Variants in COL10A1 observed in about 807,000 individuals in gnomAD.
COL10A1 encodes the protein collagen type X alpha 1 chain.
Under a neutral mutation model 18.2 loss-of-function variants are expected in COL10A1, and 10 were observed. The ratio of observed to expected loss-of-function variants is 0.55; its 90% CI spans 0.34 to 0.93. COL10A1 has a LOEUF of 0.93. Among genes scored for constraint, COL10A1 ranks in the 40% least tolerant of loss-of-function variants. The probability of loss-of-function intolerance (pLI) is 0.02; values close to 1 mark genes in which losing one functional copy is unlikely to be tolerated. For synonymous variants in COL10A1, 330 were observed against 316.6 expected, an observed-to-expected ratio of 1.04 and a Z score of -0.45; for missense variants, 897 against 853.5, an observed-to-expected ratio of 1.05 and a Z score of -0.64.
chr6:116,196,340 A>G, the COL10A1 span, among the ~76,000 whole-genome samples: 1 of 152,048 alleles, frequency 6.6e-6, no homozygotes, highest in Non-Finnish European at 1.5e-5. Context: ...GCATTGCTCT[A>G]ACTACAGCAA....
chr6:116,164,551 A>G, the COL10A1 span, among the ~76,000 whole-genome samples: 77 of 152,264 alleles, frequency 5.1e-4, no homozygotes, highest in African/African-American at 1.6e-3. Context: ...TTGCTAATCT[A>G]TCTCTTTCAA....
chr6:116,147,428 C>G (rs538254655), intron 1 of COL10A1, among the ~76,000 whole-genome samples: 1 of 149,146 alleles, frequency 6.7e-6, no homozygotes, highest in Non-Finnish European at 1.5e-5. Context: ...GGCAACAGAG[C>G]GAGACTACAT....
the COL10A1 span, among the ~76,000 whole-genome samples, chr6:116,206,046 A>G: frequency 6.6e-6 from 1 of 151,988 alleles, no homozygotes; most frequent in Non-Finnish European, 1.5e-5. Context: ...CCTGGAAGTA[A>G]CAAAAAGTAG....
upstream of COL10A1, among the ~76,000 whole-genome samples, chr6:116,160,567 A>G (rs930643646): frequency 5.9e-5 from 9 of 151,924 alleles, no homozygotes; most frequent in African/African-American, 1.5e-4. Context: ...CTCATTCTGT[A>G]TATTGTCTAT....
At chr6:116,157,124 A>G (rs1780215383) in intron 1 of COL10A1, among the ~76,000 whole-genome samples, 1 of 152,228 alleles carries the variant, frequency 6.6e-6, no homozygotes, top group African/African-American at 2.4e-5. Context: ...GTATGAGAAT[A>G]TGGAAAACAA....
the COL10A1 span, among the ~76,000 whole-genome samples, chr6:116,195,823 G>A: frequency 1.3e-5 from 2 of 151,978 alleles, no homozygotes; most frequent in Admixed American, 1.3e-4. Context: ...TGTGGGTGGG[G>A]ACTGAAGACC....
intron 1 of COL10A1, among the ~76,000 whole-genome samples, chr6:116,142,079 A>G (rs1302378198): frequency 6.6e-6 from 1 of 152,072 alleles, no homozygotes; most frequent in Non-Finnish European, 1.5e-5. Flanking sequence ...AACAAATGGA[A>G]TTGATATTAG....
At chr6:116,208,558 G>A in the COL10A1 span, among the ~76,000 whole-genome samples, 16 of 152,050 alleles carry the variant, frequency 1.1e-4, no homozygotes, top group African/African-American at 3.4e-4. Flanking sequence ...GCCTTTATTC[G>A]TTCATCTCAA....
At chr6:116,200,028 G>T in the COL10A1 span, among the ~76,000 whole-genome samples, 1 of 151,574 alleles carries the variant, frequency 6.6e-6, no homozygotes, top group Non-Finnish European at 1.5e-5. Context: ...TTGCAGTGGG[G>T]CAACCTGACA....
chr6:116,211,289 A>G, the COL10A1 span, among the ~76,000 whole-genome samples: 2 of 152,120 alleles, frequency 1.3e-5, no homozygotes, highest in African/African-American at 4.8e-5. Flanking sequence ...CAAGTGAGAA[A>G]TGCCTGGCTG....
At chr6:116,190,206 C>T in the COL10A1 span, among the ~76,000 whole-genome samples, 2 of 151,974 alleles carry the variant, frequency 1.3e-5, no homozygotes, top group African/African-American at 4.8e-5. Context: ...CACCACACTT[C>T]TCAACCTTAG....
the COL10A1 span, among the ~76,000 whole-genome samples, chr6:116,201,935 A>G: frequency 1.5e-4 from 23 of 151,988 alleles, no homozygotes; most frequent in Non-Finnish European, 3.2e-4. Flanking sequence ...TACAGCTGAT[A>G]ATTTTAGGAA....
chr6:116,216,454 T>G, the COL10A1 span, among the ~76,000 whole-genome samples: 48 of 151,704 alleles, frequency 3.2e-4, no homozygotes, highest in Non-Finnish European at 5.6e-4. Context: ...ATTTTTGGAG[T>G]AGGGCCGGGA....
In COL10A1 at chr6:116,152,371, G is replaced by A. The variant is rs73772294; in HGVS notation, c.-16+6243C>T. Among the ~76,000 whole-genome samples the A allele has an allele frequency of 4.9e-3, 739 of 151,916 alleles. 12 individuals are homozygous for A. Among genetic ancestry groups the A allele is most frequent in the South Asian group, 0.044 (209 of 4,802 alleles). On this transcript the variant is annotated intron_variant, in intron 1 of 1. Coordinates refer to the COL10A1 transcript ENST00000418500. ...TTCTTTCTGGCCTCTGCTTTTCACC[G>A]TGAGGTAGATTCCCTTGCCTCTTGT...
At chr6:116,153,611 G>A (rs1780107784) in intron 1 of COL10A1, among the ~76,000 whole-genome samples, 1 of 152,068 alleles carries the variant, frequency 6.6e-6, no homozygotes, top group Non-Finnish European at 1.5e-5. Flanking sequence ...ACCTCTATTA[G>A]GTACCTAGTT....
chr6:116,193,780 G>A, the COL10A1 span, among the ~76,000 whole-genome samples: 2 of 150,910 alleles, frequency 1.3e-5, no homozygotes, highest in Admixed American at 6.6e-5. Flanking sequence ...AATAAAAAAA[G>A]AGGAGTTGGG....
chr6:116,214,725 A>G, the COL10A1 span, among the ~76,000 whole-genome samples: 1 of 152,132 alleles, frequency 6.6e-6, no homozygotes, highest in Non-Finnish European at 1.5e-5. Flanking sequence ...ATGCAAAGAC[A>G]TTTTAGAGGA....
chr6:116,210,082 T>C, the COL10A1 span, among the ~76,000 whole-genome samples: 1 of 152,020 alleles, frequency 6.6e-6, no homozygotes, highest in African/African-American at 2.4e-5. Flanking sequence ...TTGAAGGGTG[T>C]GATTTCTAAG....
At chr6:116,148,674 CATT>C (rs1212779558) in intron 1 of COL10A1, among the ~76,000 whole-genome samples, 1 of 152,058 alleles carries the variant, frequency 6.6e-6, no homozygotes, top group East Asian at 1.9e-4. Flanking sequence ...ATAACAACGT[CATT>C]AATAATTAAA....
Sources: gnomAD v4.1 joint callset for allele counts (sites outside exome capture counted in the v4.1 genomes callset) on GRCh38, gnomAD v4.1.1 for gene constraint, MANE v1.5 for transcripts, NCBI Gene and HGNC (gene_info 2026-07-23, HGNC 2026-07-21) for gene names.